Variants in NALF1 observed in about 807,000 individuals in gnomAD.
The protein encoded by NALF1 is NALCN channel auxiliary factor 1, also known as family with sequence similarity 155 member A.
NALF1 carries 3 observed loss-of-function variants against 48.4 expected under a neutral mutation model. The ratio of observed to expected loss-of-function variants is 0.06; its 90% CI spans 0.03 to 0.16. The LOEUF (loss-of-function observed/expected upper bound fraction) is 0.16, where lower values mean the gene tolerates loss of function less well. NALF1 is among the 10% of genes least tolerant of loss of function. The pLI is 1.00. For missense variants in NALF1, 526 were observed against 571.5 expected (o/e 0.92, Z 0.81); for synonymous variants, 262 against 245.7 (o/e 1.07, Z -0.62).
chr13:107,571,028 A>C (rs1877972844), intron 1 of NALF1, among the ~76,000 whole-genome samples: 1 of 152,204 alleles, frequency 6.6e-6, no homozygotes, highest in Admixed American at 6.5e-5. Context: ...ATAGATGGGA[A>C]AACATTATTT....
chr13:107,530,103 C>A (rs995009685), intron 1 of NALF1, among the ~76,000 whole-genome samples: 2 of 152,048 alleles, frequency 1.3e-5, no homozygotes, highest in Admixed American at 1.3e-4. Context: ...ACCCTCAAAT[C>A]CCCACCTGGG....
At chr13:107,843,865 A>C (rs1214152587) in intron 1 of NALF1, among the ~76,000 whole-genome samples, 2 of 152,178 alleles carry the variant, frequency 1.3e-5, no homozygotes, top group African/African-American at 4.8e-5. Context: ...AGAGAAACGA[A>C]ATGTTAGCTA....
At chr13:107,450,757 C>T (rs1884727446) in intron 1 of NALF1, among the ~76,000 whole-genome samples, 1 of 152,142 alleles carries the variant, frequency 6.6e-6, no homozygotes, top group South Asian at 2.1e-4. Flanking sequence ...TCATTATTGC[C>T]AACCTCATTA....
intron 1 of NALF1, among the ~76,000 whole-genome samples, chr13:107,451,183 C>T (rs191073687): frequency 3.7e-4 from 56 of 152,180 alleles, no homozygotes; most frequent in Middle Eastern, 3.4e-3. Flanking sequence ...GCCAGCGCGG[C>T]CACAAGCGGA....
intron 1 of NALF1, among the ~76,000 whole-genome samples, chr13:107,497,013 A>G (rs1019244776): frequency 6.6e-6 from 1 of 152,154 alleles, no homozygotes; most frequent in Non-Finnish European, 1.5e-5. Flanking sequence ...AAAATATTCT[A>G]CTGGAGCATG....
In NALF1 at chr13:107,551,401, T is replaced by C. The variant is rs147678296; in HGVS notation, c.915+314281A>G. Among the ~76,000 whole-genome samples, 323 of 152,260 alleles carry C rather than the reference T, an allele frequency of 2.1e-3. 3 individuals carry two copies. The highest frequency in any genetic ancestry group is 7.5e-3 in the African/African-American group (311 of 41,546). The stretch of plus-strand genomic sequence containing the variant: ...ATCCACAGTAATTTTAAAACAATAA[T>C]GACAACACAACAAACCCTACCTCTT... On this transcript the variant is annotated intron_variant, in intron 1 of 2. Coordinates refer to ENST00000375915, the MANE Select transcript of NALF1 (RefSeq NM_001080396.3).
chr13:107,637,915 G>T (rs1053001791), intron 1 of NALF1, among the ~76,000 whole-genome samples: 3 of 151,994 alleles, frequency 2.0e-5, no homozygotes, highest in East Asian at 2.0e-4. Flanking sequence ...TGGCATTTTA[G>T]CTTGTGATTC....
chr13:107,175,561 A>G (rs971606040), intron 2 of NALF1, among the ~76,000 whole-genome samples: 15 of 152,308 alleles, frequency 9.8e-5, no homozygotes, highest in African/African-American at 3.6e-4. Context: ...GGGACTGCCT[A>G]GAAAATTTTC....
intron 2 of NALF1, among the ~76,000 whole-genome samples, chr13:107,181,605 T>C (rs1879063134): frequency 7.4e-6 from 1 of 135,308 alleles, no homozygotes; most frequent in East Asian, 2.0e-4. Context: ...TGTGTCTTAC[T>C]ATATAGACTT....
intron 1 of NALF1, among the ~76,000 whole-genome samples, chr13:107,214,539 C>A (rs1226252108): frequency 2.0e-5 from 3 of 152,114 alleles, no homozygotes; most frequent in Non-Finnish European, 2.9e-5. Context: ...TCGCCGACAT[C>A]CACCCACTCT....
intron 1 of NALF1, among the ~76,000 whole-genome samples, chr13:107,840,079 T>C (rs1216767451): frequency 6.6e-6 from 1 of 152,192 alleles, no homozygotes; most frequent in Non-Finnish European, 1.5e-5. Flanking sequence ...TAAAACCCTT[T>C]AGCAATGCCA....
At chr13:107,360,837 CTCTT>C (rs762289351) in intron 1 of NALF1, among the ~76,000 whole-genome samples, 2 of 152,008 alleles carry the variant, frequency 1.3e-5, no homozygotes, top group African/African-American at 4.8e-5. Flanking sequence ...AGCTGCCTAT[CTCTT>C]TCTTTCTTTC....
At chr13:107,863,086 T>C (rs897936757) in intron 1 of NALF1, among the ~76,000 whole-genome samples, 3 of 151,694 alleles carry the variant, frequency 2.0e-5, no homozygotes, top group African/African-American at 7.2e-5. Context: ...TACAGAAATA[T>C]AATACATTTA....
At chr13:107,843,641 T>C (rs938766320) in intron 1 of NALF1, among the ~76,000 whole-genome samples, 69 of 152,092 alleles carry the variant, frequency 4.5e-4, no homozygotes, top group African/African-American at 1.4e-3. Flanking sequence ...ATCACTCCAA[T>C]TTCTTATTTC....
At chr13:107,214,050 A>T (rs1240733627) in intron 1 of NALF1, among the ~76,000 whole-genome samples, 1 of 152,228 alleles carries the variant, frequency 6.6e-6, no homozygotes, top group East Asian at 1.9e-4. Context: ...AAATACAATG[A>T]GCTATCTTCA....
At chr13:107,361,884 C>T (rs970794928) in intron 1 of NALF1, among the ~76,000 whole-genome samples, 4 of 152,178 alleles carry the variant, frequency 2.6e-5, no homozygotes, top group Admixed American at 1.3e-4. Context: ...CCAGATGATT[C>T]ACTTTAGGCA....
chr13:107,820,230 A>C (rs1879326043), intron 1 of NALF1, among the ~76,000 whole-genome samples: 1 of 152,210 alleles, frequency 6.6e-6, no homozygotes. Flanking sequence ...GAGATCAATA[A>C]ATAAATGTTT....
At chr13:107,711,225 G>C (rs200658852) in intron 1 of NALF1, among the ~76,000 whole-genome samples, 1 of 152,142 alleles carries the variant, frequency 6.6e-6, no homozygotes, top group Admixed American at 6.5e-5. Flanking sequence ...TTACCCACAC[G>C]TGCCAAAAGA....
chr13:107,209,432 C>G (rs9587321), intron 2 of NALF1, among the ~76,000 whole-genome samples: 73,985 of 150,558 alleles, frequency 0.49, 18,813 homozygotes, highest in African/African-American at 0.62. Flanking sequence ...ACTTGAACCC[C>G]GGAGGCGGAG....
Sources: gnomAD v4.1 joint callset for allele counts (sites outside exome capture counted in the v4.1 genomes callset) on GRCh38, gnomAD v4.1.1 for gene constraint, MANE v1.5 for transcripts, NCBI Gene and HGNC (gene_info 2026-07-23, HGNC 2026-07-21) for gene names.